Variants in KCNH7 observed in about 807,000 individuals in gnomAD.
The protein encoded by KCNH7 is voltage-gated inwardly rectifying potassium channel KCNH7.
KCNH7 carries 49 observed loss-of-function variants against 120.8 expected under a neutral mutation model. The ratio of observed to expected loss-of-function variants is 0.41; its 90% CI spans 0.32 to 0.51. KCNH7 has a LOEUF of 0.51. Ranked by LOEUF, KCNH7 falls within the 20% of genes least tolerant of loss-of-function variation. KCNH7 has a pLI of 0.38. For synonymous variants in KCNH7, 547 were observed against 516.1 expected, an observed-to-expected ratio of 1.06 and a Z score of -0.81; for missense variants, 1,097 against 1,446.6, an observed-to-expected ratio of 0.76 and a Z score of 3.92.
intron 2 of KCNH7, among the ~76,000 whole-genome samples, chr2:162,637,482 T>C (rs1259079386): frequency 6.6e-6 from 1 of 152,114 alleles, no homozygotes; most frequent in African/African-American, 2.4e-5. Context: ...AGTCAAAGGA[T>C]AAAACATTTC....
chr2:162,408,194 A>G (rs190349665), intron 9 of KCNH7, among the ~76,000 whole-genome samples: 10 of 152,168 alleles, frequency 6.6e-5, no homozygotes, highest in African/African-American at 2.2e-4. Flanking sequence ...AATGTTTCCC[A>G]TTCATCTAAT....
intron 2 of KCNH7, among the ~76,000 whole-genome samples, chr2:162,630,434 T>C (rs760672539): frequency 4.0e-5 from 6 of 150,482 alleles, no homozygotes; most frequent in East Asian, 2.0e-4. Context: ...CTACAACCAA[T>C]AGATGCGGGA....
At chr2:162,382,771 T>C (rs79845639) in intron 13 of KCNH7, among the ~76,000 whole-genome samples, 8 of 151,974 alleles carry the variant, frequency 5.3e-5, no homozygotes, top group Non-Finnish European at 1.2e-4. Context: ...CAATATATCA[T>C]CTTAAAAATC....
chr2:162,655,628 T>C (rs1395098663), intron 2 of KCNH7, among the ~76,000 whole-genome samples: 2 of 139,844 alleles, frequency 1.4e-5, no homozygotes, highest in Non-Finnish European at 3.0e-5. Context: ...CTACTAAAAA[T>C]AAAGAAAAAA....
Position 162,636,947 on chromosome 2 carries a change from C to G in KCNH7, c.308-99867G>C, listed in dbSNP as rs951538144. Among the ~76,000 whole-genome samples the G allele has an allele frequency of 4.6e-5, 7 of 152,084 alleles. 1 individual carries two copies. Among genetic ancestry groups the G allele is most frequent in the Admixed American group, 4.6e-4 (7 of 15,244 alleles). The stretch of plus-strand genomic sequence containing the variant: ...CTTCACTTAATCTAGGGACACTTGG[C>G]TGCTTGCCACCACCCTCCCCACCAT... On this transcript the variant is annotated intron_variant, in intron 2 of 15. Coordinates refer to ENST00000332142, the MANE Select transcript of KCNH7 (RefSeq NM_033272.4).
intron 2 of KCNH7, among the ~76,000 whole-genome samples, chr2:162,577,328 T>A (rs762249357): frequency 5.9e-5 from 7 of 118,908 alleles, no homozygotes; most frequent in Admixed American, 5.0e-4. Flanking sequence ...TATCTATCTA[T>A]CTGTCTATCA....
chr2:162,570,781 C>A (rs904456535), intron 2 of KCNH7, among the ~76,000 whole-genome samples: 1 of 151,902 alleles, frequency 6.6e-6, no homozygotes, highest in Non-Finnish European at 1.5e-5. Flanking sequence ...ATAAACAGAA[C>A]CAAAGATAAA....
rs544120154 is a variant in KCNH7 at position 162,763,402 on chromosome 2, C to T, written c.307+73135G>A. On this transcript the variant is annotated intron_variant, in intron 2 of 15. Transcript: ENST00000332142. ...CCAAGTAGATATAGTTTGTTAATTG[C>T]AAATAGCACCCACACACAGTTGACT... Among the ~76,000 whole-genome samples, 3 of 152,152 alleles carry T rather than the reference C, an allele frequency of 2.0e-5. No homozygotes were observed. In the South Asian group the frequency reaches 6.2e-4, roughly 32 times the overall value.
At chr2:162,740,007 C>T (rs1415527193) in intron 2 of KCNH7, among the ~76,000 whole-genome samples, 1 of 152,028 alleles carries the variant, frequency 6.6e-6, no homozygotes, top group Non-Finnish European at 1.5e-5. Context: ...AGACCAGTGC[C>T]CCAAGAGGCC....
intron 2 of KCNH7, among the ~76,000 whole-genome samples, chr2:162,558,448 A>T (rs1426020122): frequency 6.7e-6 from 1 of 149,326 alleles, no homozygotes; most frequent in Non-Finnish European, 1.5e-5. Context: ...TGCTGGGATT[A>T]CAGGCGTGAG....
chr2:162,385,961 G>A (rs1209202113), intron 12 of KCNH7, among the ~76,000 whole-genome samples: 1 of 151,824 alleles, frequency 6.6e-6, no homozygotes, highest in African/African-American at 2.4e-5. Context: ...TGAGAAGCCA[G>A]AAAGCAGCCC....
At chr2:162,420,906 C>T (rs16846685) in intron 9 of KCNH7, among the ~76,000 whole-genome samples, 21,976 of 151,888 alleles carry the variant, frequency 0.14, 4,221 homozygotes, top group African/African-American at 0.43. Flanking sequence ...ACAGGGATTT[C>T]AAGTGTGGTT....
chr2:162,746,345 T>G (rs10201065), intron 2 of KCNH7, among the ~76,000 whole-genome samples: 18,532 of 152,126 alleles, frequency 0.12, 1,329 homozygotes, highest in East Asian at 0.35. Flanking sequence ...ATTTGGACAG[T>G]AATGTTTTGA....
intron 6 of KCNH7, among the ~76,000 whole-genome samples, chr2:162,450,745 A>G (rs1388558679): frequency 2.0e-5 from 3 of 152,028 alleles, no homozygotes; most frequent in Middle Eastern, 3.2e-3. Flanking sequence ...AGAGGAATCA[A>G]GGTGGCCAAG....
chr2:162,645,823 A>T (rs1024253614), intron 2 of KCNH7, among the ~76,000 whole-genome samples: 5 of 152,026 alleles, frequency 3.3e-5, no homozygotes, highest in African/African-American at 1.2e-4. Context: ...TTCTGGTAAC[A>T]CCCAGAGAGT....
chr2:162,613,242 G>A (rs533608020), intron 2 of KCNH7, among the ~76,000 whole-genome samples: 1 of 152,032 alleles, frequency 6.6e-6, no homozygotes, highest in Admixed American at 6.5e-5. Flanking sequence ...AAGAAAGGTA[G>A]ATTTTCTCCA....
chr2:162,388,659 G>A (rs1036209062), intron 12 of KCNH7, among the ~76,000 whole-genome samples: 2 of 151,740 alleles, frequency 1.3e-5, no homozygotes, highest in African/African-American at 4.8e-5. Context: ...AATAAAACCA[G>A]AATAGAATTA....
At chr2:162,544,316 A>C (rs566576006) in intron 2 of KCNH7, among the ~76,000 whole-genome samples, 21 of 152,280 alleles carry the variant, frequency 1.4e-4, no homozygotes, top group African/African-American at 5.1e-4. Flanking sequence ...GGACTGGGCT[A>C]GGTACCAGGA....
chr2:162,650,318 T>C (rs575086949), intron 2 of KCNH7, among the ~76,000 whole-genome samples: 1 of 152,330 alleles, frequency 6.6e-6, no homozygotes, highest in Admixed American at 6.5e-5. Context: ...TAGTTAAAAA[T>C]GATTTTTTTG....
Sources: gnomAD v4.1 joint callset for allele counts (sites outside exome capture counted in the v4.1 genomes callset) on GRCh38, gnomAD v4.1.1 for gene constraint, MANE v1.5 for transcripts, NCBI Gene and HGNC (gene_info 2026-07-23, HGNC 2026-07-21) for gene names.